The following PCDHA4 variants were observed in gnomAD, a reference collection of about 807,000 sequenced individuals.
PCDHA4 encodes the protein protocadherin alpha 4, also known as protocadherin alpha-4.
A neutral mutation model predicts 61.4 loss-of-function variants in PCDHA4; 49 were observed. The ratio of observed to expected loss-of-function variants is 0.80; its 90% CI spans 0.63 to 1.01. PCDHA4 has a LOEUF of 1.01. Ranked by LOEUF, PCDHA4 falls within the 50% of genes least tolerant of loss-of-function variation. The pLI, the probability that PCDHA4 is intolerant of heterozygous loss-of-function variation, is 0.00. For missense variants in PCDHA4, 1,254 were observed against 1,235.8 expected, an observed-to-expected ratio of 1.01 and a Z score of -0.22; for synonymous variants, 590 against 550.3, an observed-to-expected ratio of 1.07 and a Z score of -1.01.
chr5:140,966,909 T>C, intron 1 of PCDHA4: 1 of 1,601,466 alleles, frequency 6.2e-7, no homozygotes, highest in Non-Finnish European at 8.5e-7. Context: ...CGATACTCTG[T>C]GCCAGAGGAG....
rs117857377 is a variant in PCDHA4, at chr5:140,947,298, A to G, written c.2386-31651A>G. ...TTTTTCTTTTTATTGCATTATCTTG[A>G]CATCTTTGTAAAAAGTCGGTTGACC... On this transcript the variant is annotated intron_variant, in intron 1 of 3. Transcript: ENST00000530339. Among the ~76,000 whole-genome samples, 349 of 151,704 alleles carry G rather than the reference A, an allele frequency of 2.3e-3. 8 individuals carry two copies. In the East Asian group the frequency reaches 0.06, roughly 26 times the overall value.
At chr5:140,886,905 A>G (rs2061220299) in intron 1 of PCDHA4, among the ~76,000 whole-genome samples, 2 of 152,010 alleles carry the variant, frequency 1.3e-5, no homozygotes, top group Admixed American at 1.3e-4. Flanking sequence ...TTTAATAAAT[A>G]CTTATTGAGT....
intron 1 of PCDHA4, among the ~76,000 whole-genome samples, chr5:140,913,794 T>A: frequency 6.6e-6 from 1 of 152,194 alleles, no homozygotes. Context: ...ATCATTTGTT[T>A]GAATCAAATT....
chr5:140,869,613 CA>C (rs782134760), intron 1 of PCDHA4: 1 of 1,613,944 alleles, frequency 6.2e-7, no homozygotes. Flanking sequence ...TATTGACCTA[CA>C]GGCTAAGTAA....
At chr5:140,878,352 A>T (rs2057558583) in intron 1 of PCDHA4, among the ~76,000 whole-genome samples, 1 of 152,242 alleles carries the variant, frequency 6.6e-6, no homozygotes, top group African/African-American at 2.4e-5. Flanking sequence ...CAATAATATA[A>T]ATGATATGTC....
chr5:140,843,463 G>T, intron 1 of PCDHA4: 1 of 1,596,032 alleles, frequency 6.3e-7, no homozygotes, highest in Non-Finnish European at 8.6e-7. Flanking sequence ...TGGTGCTCAC[G>T]CTGCTGCTGT....
chr5:140,875,696 T>C (rs2055720575), intron 1 of PCDHA4: 1 of 1,613,958 alleles, frequency 6.2e-7, no homozygotes, highest in Non-Finnish European at 8.5e-7. Flanking sequence ...GGGGACCTTC[T>C]GGAGGTAAAT....
At chr5:140,935,047 A>G (rs782161261) in intron 1 of PCDHA4, among the ~76,000 whole-genome samples, 11 of 152,140 alleles carry the variant, frequency 7.2e-5, no homozygotes, top group Admixed American at 3.3e-4. Flanking sequence ...GATTTCTGGT[A>G]TTACAAGATG....
Position 140,809,588 on chromosome 5 carries a change from C to A in PCDHA4, c.2385+16C>A, listed in dbSNP as rs531817077. 24 of 1,541,290 alleles carry A rather than the reference C, an allele frequency of 1.6e-5. No individual in the cohort carries two copies. In the South Asian group the frequency reaches 2.3e-4, roughly 15 times the overall value. On this transcript the variant is annotated intron_variant, in intron 1 of 3. Transcript: ENST00000530339. ...CTTTGCAAAGGTTAGTGTATAACAT[C>A]CTTTTGTTTAATTTTCGTATTGTTT...
At chr5:140,902,043 G>A (rs1294111308) in intron 1 of PCDHA4, among the ~76,000 whole-genome samples, 2 of 151,980 alleles carry the variant, frequency 1.3e-5, no homozygotes, top group Non-Finnish European at 2.9e-5. Flanking sequence ...TTTGTATGTT[G>A]ATTTTGTATC....
intron 3 of PCDHA4, among the ~76,000 whole-genome samples, chr5:140,985,173 G>A (rs939430246): frequency 1.3e-5 from 2 of 152,154 alleles, no homozygotes; most frequent in Admixed American, 6.5e-5. Flanking sequence ...TCCTGACCTC[G>A]TAATCCGCCT....
intron 1 of PCDHA4, chr5:140,836,111 A>C: frequency 1.2e-6 from 2 of 1,613,698 alleles, no homozygotes; most frequent in South Asian, 2.2e-5. Flanking sequence ...CTGGTGGCGC[A>C]GTGAGAGAGC....
At chr5:140,916,321 C>T (rs1302078048) in intron 1 of PCDHA4, among the ~76,000 whole-genome samples, 1 of 152,160 alleles carries the variant, frequency 6.6e-6, no homozygotes, top group Non-Finnish European at 1.5e-5. Flanking sequence ...AGACAAAGTC[C>T]CCTTTACTTT....
chr5:140,875,216 A>T, intron 1 of PCDHA4: 1 of 717,612 alleles, frequency 1.4e-6, no homozygotes, highest in East Asian at 3.2e-5. Flanking sequence ...ACCGAAAAGA[A>T]CCTCAGGATC....
intron 1 of PCDHA4, chr5:140,884,132 T>C: frequency 6.2e-7 from 1 of 1,613,400 alleles, no homozygotes; most frequent in South Asian, 1.1e-5. Context: ...GCGCATCCCG[T>C]TCCGCGTGGG....
chr5:140,836,650 A>T (rs1426602429), intron 1 of PCDHA4: 1 of 1,613,394 alleles, frequency 6.2e-7, no homozygotes, highest in African/African-American at 1.3e-5. Flanking sequence ...CAGAGGCGGC[A>T]GAGGGTGTGC....
chr5:140,807,442 T>G lies in PCDHA4; in HGVS notation c.255T>G (p.Phe85Leu). 6.2e-7 allele frequency: 1 copy of G among 1,603,674 alleles called. No individual in the cohort carries two copies. Among genetic ancestry groups the G allele is most frequent in the Non-Finnish European group, 8.5e-7 (1 of 1,176,444 alleles). The change falls in exon 1 of 4, where the codon TTT (phenylalanine) becomes TTG (leucine). Residue 85 changes from phenylalanine to leucine, a missense_variant. Coordinates refer to ENST00000530339, the MANE Select transcript of PCDHA4 (RefSeq NM_018907.4). ...TAAATCTGCAGAATGGCATTTTGTT[T>G]GTGAATTCTCGGATCGACCGGGAGG... ...LEVNLQNGIL[F>L]VNSRIDREEL...
intron 1 of PCDHA4, chr5:140,966,570 G>A: frequency 2.0e-6 from 1 of 501,774 alleles, no homozygotes; most frequent in Non-Finnish European, 3.3e-6. Context: ...GGAATATGGG[G>A]AGTCAGCGAG....
At chr5:140,956,003 C>T (rs2153708657) in intron 1 of PCDHA4, among the ~76,000 whole-genome samples, 1 of 152,232 alleles carries the variant, frequency 6.6e-6, no homozygotes, top group East Asian at 1.9e-4. Flanking sequence ...ATTTTGTATC[C>T]TGAGACTTTG....
Sources: gnomAD v4.1 joint callset for allele counts (sites outside exome capture counted in the v4.1 genomes callset) on GRCh38, gnomAD v4.1.1 for gene constraint, MANE v1.5 for transcripts, NCBI Gene and HGNC (gene_info 2026-07-23, HGNC 2026-07-21) for gene names.